The following PCDHA1 variants were observed in gnomAD, a reference collection of about 807,000 sequenced individuals.
The protein encoded by PCDHA1 is protocadherin alpha-1.
In PCDHA1, 42 loss-of-function variants were observed where a neutral mutation model predicts 61.3. The observed-to-expected ratio is 0.69, with a 90% CI of 0.54 to 0.89. PCDHA1 has a LOEUF of 0.89. Ranked by LOEUF, PCDHA1 falls within the 40% of genes least tolerant of loss-of-function variation. The pLI, the probability that PCDHA1 is intolerant of heterozygous loss-of-function variation, is 0.00. For missense variants in PCDHA1, 1,256 were observed against 1,235.3 expected (o/e 1.02, Z -0.25); for synonymous variants, 610 against 553.8 (o/e 1.10, Z -1.43).
At chr5:140,830,231 A>G (rs1770914153) in intron 1 of PCDHA1, 1 of 1,613,696 alleles carries the variant, frequency 6.2e-7, no homozygotes, top group Admixed American at 1.7e-5. Context: ...GCTGGTCCTC[A>G]CGCTACTGCT....
chr5:140,787,765 A>T lies in PCDHA1; in HGVS notation c.1475A>T (p.Tyr492Phe). Residue 492 changes from tyrosine (Y) to phenylalanine (F), a missense_variant, in exon 1 of 4, where the codon TAT becomes TTT. Tyr to Phe is a conservative substitution (Grantham distance 22). Transcript: ENST00000504120. ...ADAQENALVSYSLVERRVGER... is the reference protein window; with the variant it reads ...ADAQENALVSFSLVERRVGER... ...GCGCAGGAGAACGCGCTGGTGTCCT[A>T]TTCGCTGGTGGAACGGCGGGTGGGC... The T allele has an allele frequency of 3.7e-6, 6 of 1,613,156 alleles. No homozygotes were observed. Among genetic ancestry groups the T allele is most frequent in the Non-Finnish European group, 5.1e-6 (6 of 1,179,836 alleles).
At position 140,857,384 on chromosome 5, in the gene PCDHA1, G is replaced by A; in HGVS notation, c.2394+68700G>A. 7 of 1,598,500 alleles carry A rather than the reference G, an allele frequency of 4.4e-6. 1 individual carries two copies. The highest frequency in any genetic ancestry group is 2.7e-5 in the African/African-American group (2 of 74,484). On this transcript the variant is annotated intron_variant, in intron 1 of 3. Transcript: ENST00000504120. ...GGCCAGCGTGTCTGTGGAGGTGGCC[G>A]ACGTGAACGACAACGCGCCTGCGTT...
At position 141,010,067 on chromosome 5, in the gene PCDHA1, G is replaced by C; in HGVS notation, c.*130G>C. 6.2e-7 allele frequency: 1 copy of C among 1,604,516 alleles called. No homozygotes were observed. The highest frequency in any genetic ancestry group is 1.1e-5 in the South Asian group (1 of 89,502). ...TAGAGACCTCAGAAATCTGCAGAAA[G>C]TTCCCTGTGTCTGTCTAGAACGCAT... On this transcript the variant is annotated 3_prime_UTR_variant, in exon 4 of 4. Coordinates refer to ENST00000504120, the MANE Select transcript of PCDHA1 (RefSeq NM_018900.4).
At chr5:140,842,999 G>A (rs782032676) in intron 1 of PCDHA1, 1 of 1,594,954 alleles carries the variant, frequency 6.3e-7, no homozygotes, top group Admixed American at 1.7e-5. Context: ...GGACGAGAAT[G>A]ACAACGCGCC....
intron 1 of PCDHA1, chr5:140,829,968 T>G (rs1770719339): frequency 6.2e-7 from 1 of 1,613,838 alleles, no homozygotes; most frequent in Admixed American, 1.7e-5. Context: ...CGCGTGGGGC[T>G]GTACACGGGC....
chr5:140,879,740 T>G (rs1337276853), intron 1 of PCDHA1, among the ~76,000 whole-genome samples: 1 of 152,200 alleles, frequency 6.6e-6, no homozygotes, highest in East Asian at 1.9e-4. Flanking sequence ...ATCAAGGTGT[T>G]GTCAAGGCTA....
Position 140,830,271 on chromosome 5 carries a change from C to T in PCDHA1, c.2394+41587C>T, listed in dbSNP as rs2150183888. Reference sequence around the variant, plus strand: ...ACAGCGCTGCGGTGCTCGGCGCCACCCACCGAGGGCGCGTGCACGGCGGAC... The same window carrying T: ...ACAGCGCTGCGGTGCTCGGCGCCACTCACCGAGGGCGCGTGCACGGCGGAC... On this transcript the variant is annotated intron_variant, in intron 1 of 3. Transcript: ENST00000504120. The T allele has an allele frequency of 4.3e-6, 7 of 1,613,820 alleles. 1 individual carries two copies. In the South Asian group the frequency reaches 7.7e-5, roughly 18 times the overall value.
chr5:140,801,315 A>T, intron 1 of PCDHA1: 3 of 1,613,346 alleles, frequency 1.9e-6, no homozygotes, highest in Non-Finnish European at 2.5e-6. Flanking sequence ...TGAGGAGGCC[A>T]AGCATGGCAC....
chr5:140,948,426 G>A (rs1301925814), intron 1 of PCDHA1, among the ~76,000 whole-genome samples: 1 of 151,446 alleles, frequency 6.6e-6, no homozygotes, highest in African/African-American at 2.4e-5. Flanking sequence ...TCTTCCTTCA[G>A]TGAAACATTC....
At chr5:140,800,893 G>A in intron 1 of PCDHA1, 1 of 370,328 alleles carries the variant, frequency 2.7e-6, no homozygotes, top group Non-Finnish European at 4.5e-6. Context: ...AGGACTTTGA[G>A]GAGTGACCGA....
intron 1 of PCDHA1, among the ~76,000 whole-genome samples, chr5:140,941,191 T>TTTTTTCTTTC (rs1554213809): frequency 1.1e-5 from 1 of 93,206 alleles, no homozygotes; most frequent in Non-Finnish European, 2.3e-5. Flanking sequence ...GCTTCTTTTT[T>TTTTTTCTTTC]TTTCTTTCTT....
At chr5:140,920,923 G>C (rs1229531762) in intron 1 of PCDHA1, among the ~76,000 whole-genome samples, 5 of 151,200 alleles carry the variant, frequency 3.3e-5, no homozygotes, top group African/African-American at 1.2e-4. Flanking sequence ...TCCAAGAGTA[G>C]GTGATCTAGC....
At chr5:140,954,237 A>G (rs1442141242) in intron 1 of PCDHA1, among the ~76,000 whole-genome samples, 14 of 152,338 alleles carry the variant, frequency 9.2e-5, no homozygotes, top group Middle Eastern at 3.4e-3. Flanking sequence ...TAGTGCTGCA[A>G]TGAACATACA....
intron 1 of PCDHA1, among the ~76,000 whole-genome samples, chr5:140,846,106 A>G (rs1477023892): frequency 7.3e-5 from 11 of 149,704 alleles, no homozygotes; most frequent in African/African-American, 2.7e-4. Flanking sequence ...GAATGTGTAG[A>G]CTATCTTACT....
intron 1 of PCDHA1, chr5:140,856,218 A>C: frequency 6.3e-7 from 1 of 1,597,930 alleles, no homozygotes; most frequent in Non-Finnish European, 8.6e-7. Flanking sequence ...GAGCTGGCGG[A>C]GCTGGTGCAG....
chr5:140,967,121 C>T, intron 1 of PCDHA1: 1 of 1,612,916 alleles, frequency 6.2e-7, no homozygotes, highest in East Asian at 2.2e-5. Flanking sequence ...TCGCTGCCTG[C>T]TCAGCTTGGA....
intron 1 of PCDHA1, among the ~76,000 whole-genome samples, chr5:140,910,278 A>G (rs1261965132): frequency 6.6e-6 from 1 of 151,132 alleles, no homozygotes; most frequent in Non-Finnish European, 1.5e-5. Flanking sequence ...TTCTAGGAAC[A>G]CCATGATTAA....
At chr5:140,895,292 C>A (rs1032250917) in intron 1 of PCDHA1, among the ~76,000 whole-genome samples, 2 of 152,044 alleles carry the variant, frequency 1.3e-5, no homozygotes. Context: ...TTAGGACCTT[C>A]GATTTCCCCC....
At chr5:140,949,237 A>G (rs1239213091) in intron 1 of PCDHA1, among the ~76,000 whole-genome samples, 1 of 151,790 alleles carries the variant, frequency 6.6e-6, no homozygotes, top group South Asian at 2.1e-4. Context: ...GTGGCCCAGC[A>G]ACAGTCTATC....
Sources: allele counts gnomAD v4.1 joint callset (sites outside exome capture counted in the v4.1 genomes callset), GRCh38; gene constraint gnomAD v4.1.1; transcripts MANE v1.5; gene names NCBI Gene and HGNC (gene_info 2026-07-23, HGNC 2026-07-21).